The following GAK variants were observed in gnomAD, a reference collection of about 807,000 sequenced individuals.
GAK encodes cyclin-G-associated kinase.
In GAK, 79 loss-of-function variants were observed where a neutral mutation model predicts 143.9. That is an observed-to-expected ratio of 0.55 (90% CI 0.46 to 0.66). The LOEUF (loss-of-function observed/expected upper bound fraction) is 0.66. Ranked by LOEUF, GAK falls within the 30% of genes least tolerant of loss-of-function variation. The pLI is 0.00. For synonymous variants in GAK, 881 were observed against 765.5 expected, an observed-to-expected ratio of 1.15 and a Z score of -2.49; for missense variants, 1,693 against 1,779.7, an observed-to-expected ratio of 0.95 and a Z score of 0.88.
At chr4:897,580 A>G (rs1239218422) in intron 6 of GAK, among the ~76,000 whole-genome samples, 1 of 152,182 alleles carries the variant, frequency 6.6e-6, no homozygotes, top group African/African-American at 2.4e-5. Context: ...CAGAGGAAGG[A>G]GGGGCTGTGA....
chr4:851,774 G>C lies in GAK; in HGVS notation c.3484C>G (p.Arg1162Gly), dbSNP rs750564137. ...NFSVIGAREE[R>G]GVRAPSFAQK... ...CCAAAGCTGGGTGCGCGGACCCCCC[G>C]CTCCTCCCGCGCCCCGATCACACTG... The change falls in exon 25 of 28, where the codon CGG becomes GGG. Residue 1162 changes from arginine (R) to glycine (G), a missense_variant. Arg to Gly is a moderately radical substitution (Grantham distance 125, BLOSUM62 -2). This residue lies in a region of GAK where 822 missense variants were observed against 788.7 expected (regional missense o/e 1.04). Coordinates refer to ENST00000314167, the MANE Select transcript of GAK (RefSeq NM_005255.4). 2.5e-6 allele frequency: 4 copies of C among 1,613,108 alleles called. No individual in the cohort carries two copies. Among genetic ancestry groups the C allele is most frequent in the Non-Finnish European group, 3.4e-6 (4 of 1,179,754 alleles).
At chr4:908,980 C>T (rs1721557927) in intron 4 of GAK, among the ~76,000 whole-genome samples, 1 of 152,152 alleles carries the variant, frequency 6.6e-6, no homozygotes, top group Admixed American at 6.5e-5. Flanking sequence ...GCTGGGATTA[C>T]AGGCCCCCAC....
chr4:900,464 C>T (rs1282094858), intron 5 of GAK, among the ~76,000 whole-genome samples: 1 of 152,188 alleles, frequency 6.6e-6, no homozygotes, highest in East Asian at 1.9e-4. Context: ...GGATTCTTCA[C>T]CAATTCAACC....
chr4:864,186 T>C (rs1404972379), intron 23 of GAK, among the ~76,000 whole-genome samples: 2 of 151,772 alleles, frequency 1.3e-5, no homozygotes, highest in East Asian at 1.9e-4. Flanking sequence ...TGGCAAAACT[T>C]TGTCTCCACA....
chr4:893,590 A>G, intron 8 of GAK, 101 bp from the exon 9 acceptor site: 1 of 831,800 alleles, frequency 1.2e-6, no homozygotes. Flanking sequence ...CACTCCCTCT[A>G]CACACATCAG....
At chr4:874,669 TAA>T (rs1303135196) in intron 18 of GAK, among the ~76,000 whole-genome samples, 3 of 145,090 alleles carry the variant, frequency 2.1e-5, no homozygotes, top group African/African-American at 2.5e-5. Flanking sequence ...TTCTTTTTGT[TAA>T]AAAAAAAAAA....
chr4:918,061 A>G (rs935042837), intron 1 of GAK, among the ~76,000 whole-genome samples: 1 of 152,234 alleles, frequency 6.6e-6, no homozygotes, highest in Non-Finnish European at 1.5e-5. Flanking sequence ...GAGATCACTC[A>G]TTACCATAGA....
rs558694913 is a variant in GAK, at chr4:888,963, C to T, written c.1089G>A (p.Ala363=). ...CATACGGCTGGTCGTACTCCGCCAG[C>T]GCCAGGCCTGCAGGGAGACACAGTC... ...PAGSGYSGGL[A]LAEYDQPYGG... is the part of the protein sequence containing the mutation. The change falls in exon 11 of 28, where the codon GCG becomes GCA. Residue 363 remains alanine, a synonymous_variant. Transcript: ENST00000314167. 50 of 1,611,270 alleles carry T rather than the reference C, an allele frequency of 3.1e-5. No individual in the cohort carries two copies. The East Asian group carries it at 6.2e-4, about 20-fold the overall frequency.
chr4:875,897 C>T (rs182008155), intron 18 of GAK, among the ~76,000 whole-genome samples: 2 of 152,316 alleles, frequency 1.3e-5, no homozygotes, highest in Admixed American at 1.3e-4. Context: ...GCCGAGATTG[C>T]GCCATTGCAC....
chr4:887,784 C>A (rs1560364660), intron 11 of GAK: 1 of 152,386 alleles, frequency 6.6e-6, no homozygotes, highest in Non-Finnish European at 1.5e-5. Flanking sequence ...TGCCTGCACA[C>A]AATACGAGCA....
In GAK at chr4:897,328, G is replaced by A. The variant is rs574525128; in HGVS notation, c.651+705C>T. Among the ~76,000 whole-genome samples the A allele has an allele frequency of 7.2e-5, 11 of 152,288 alleles. No individual in the cohort carries two copies. The East Asian group carries it at 1.3e-3, about 19-fold the overall frequency. ...GAGCTTACGGAAAGCAGGATAAAGC[G>A]CCCTCCACTCATGCTGAAAAGCACG... On this transcript the variant is annotated intron_variant, in intron 6 of 27. Coordinates refer to ENST00000314167, the MANE Select transcript of GAK (RefSeq NM_005255.4).
At chr4:855,022 C>T (rs111504509) in intron 24 of GAK, among the ~76,000 whole-genome samples, 37 of 152,252 alleles carry the variant, frequency 2.4e-4, no homozygotes, top group African/African-American at 7.9e-4. Context: ...CCAGCCTGGG[C>T]GACAGAGCGA....
In GAK at chr4:904,726, C is replaced by T. The variant is rs770374130; in HGVS notation, c.436G>A (p.Asp146Asn). The T allele has an allele frequency of 1.2e-6, 2 of 1,614,110 alleles. No individual in the cohort carries two copies. Among genetic ancestry groups the T allele is most frequent in the Non-Finnish European group, 1.7e-6 (2 of 1,179,978 alleles). Residue 146 changes from aspartate to asparagine, a missense_variant, in exon 5 of 28, where the codon GAC becomes AAC. Physicochemically the swap from Asp to Asn is conservative, Grantham distance 23. This residue lies in a region of GAK where 871 missense variants were observed against 991.0 expected (regional missense o/e 0.88). Coordinates refer to ENST00000314167, the MANE Select transcript of GAK (RefSeq NM_005255.4). ...TGGTAGAAGATCTTCAGAACCGTGTCGCACGAAAGGGGGCCTCGAGATTCC... is the reference window on the plus strand; with the variant it reads ...TGGTAGAAGATCTTCAGAACCGTGTTGCACGAAAGGGGGCCTCGAGATTCC... ...KMESRGPLSC[D>N]TVLKIFYQTC...
chr4:916,441 G>A (rs1723101084), intron 1 of GAK, among the ~76,000 whole-genome samples: 2 of 152,138 alleles, frequency 1.3e-5, no homozygotes, highest in Admixed American at 1.3e-4. Flanking sequence ...TCTTTGAAGA[G>A]ACGAGGTTTC....
At chr4:853,290 T>A (rs1231017788) in intron 24 of GAK, 1 of 152,222 alleles carries the variant, frequency 6.6e-6, no homozygotes, top group Non-Finnish European at 1.5e-5. Context: ...GACACCTGGG[T>A]TGATGCCACT....
chr4:863,752 T>C (rs1750681623), intron 23 of GAK, among the ~76,000 whole-genome samples: 1 of 152,232 alleles, frequency 6.6e-6, no homozygotes, highest in Non-Finnish European at 1.5e-5. Context: ...GGCCAGGCCG[T>C]GGTGGCTCAC....
chr4:917,688 CAT>C (rs545742222), intron 1 of GAK, among the ~76,000 whole-genome samples: 121 of 152,388 alleles, frequency 7.9e-4, no homozygotes, highest in African/African-American at 2.5e-3. Context: ...CGCTGACGCA[CAT>C]GTTTGCTGCC....
chr4:928,480 G>A (rs1013577302), intron 1 of GAK, among the ~76,000 whole-genome samples: 2 of 152,210 alleles, frequency 1.3e-5, no homozygotes, highest in Non-Finnish European at 2.9e-5. Context: ...GCAGTGAGTC[G>A]TGATCGCTCC....
chr4:851,736 A>T lies in GAK; in HGVS notation c.3508+14T>A, dbSNP rs1375468974. On this transcript the variant is annotated intron_variant, in intron 25 of 27. Coordinates refer to ENST00000314167, the MANE Select transcript of GAK (RefSeq NM_005255.4). ...CTCTGCAAACTCCACAGCAACAGAG[A>T]GTGGGGGACTCACCAAAGCTGGGTG... The T allele has an allele frequency of 2.5e-6, 4 of 1,610,622 alleles. No individual in the cohort carries two copies. Among genetic ancestry groups the T allele is most frequent in the Non-Finnish European group, 3.4e-6 (4 of 1,177,902 alleles).
Sources: allele counts gnomAD v4.1 joint callset (sites outside exome capture counted in the v4.1 genomes callset), GRCh38; gene constraint gnomAD v4.1.1; regional missense constraint gnomAD v4.1.1; transcripts MANE v1.5; gene names NCBI Gene and HGNC (gene_info 2026-07-23, HGNC 2026-07-21).